The following ATRNL1 variants were observed in gnomAD, a reference collection of about 807,000 sequenced individuals.
ATRNL1 encodes attractin like 1.
A neutral mutation model predicts 182.7 loss-of-function variants in ATRNL1; 95 were observed. The observed-to-expected ratio is 0.52, with a 90% confidence interval of 0.44 to 0.62. The LOEUF (loss-of-function observed/expected upper bound fraction) is 0.62. Among genes scored for constraint, ATRNL1 ranks in the 20% least tolerant of loss-of-function variants. The pLI, the probability that ATRNL1 is intolerant of heterozygous loss-of-function variation, is 0.00. For synonymous variants in ATRNL1, 576 were observed against 568.3 expected (o/e 1.01, Z -0.19); for missense variants, 1,471 against 1,679.5 (o/e 0.88, Z 2.17).
chr10:115,824,940 C>T lies in ATRNL1; in HGVS notation c.3904-22937C>T, dbSNP rs1950393600. Among the ~76,000 whole-genome samples, 5 of 152,298 alleles carry T rather than the reference C, an allele frequency of 3.3e-5. No homozygotes were observed. In the South Asian group the frequency reaches 1.0e-3, roughly 32 times the overall value. ...ATTCTACTATAAAGATACATGCTCACATATGTTTATTGCAGCACTGTTCAC... is the reference window on the plus strand; with the variant it reads ...ATTCTACTATAAAGATACATGCTCATATATGTTTATTGCAGCACTGTTCAC... On this transcript the variant is annotated intron_variant, in intron 27 of 28. Coordinates refer to ENST00000355044, the MANE Select transcript of ATRNL1 (RefSeq NM_207303.4).
intron 5 of ATRNL1, 50 bp from the exon 6 acceptor site, chr10:115,159,990 T>C (rs1214554028): frequency 5.1e-6 from 7 of 1,373,104 alleles, no homozygotes; most frequent in African/African-American, 3.0e-5. Flanking sequence ...ATTTCTATAA[T>C]CTGAGGGCTT....
At chr10:115,691,785 G>T (rs905091489) in intron 26 of ATRNL1, among the ~76,000 whole-genome samples, 1 of 151,812 alleles carries the variant, frequency 6.6e-6, no homozygotes, top group Admixed American at 6.6e-5. Flanking sequence ...TAAATTTTGG[G>T]TTTTTTTCTT....
At chr10:115,125,447 AG>A in intron 3 of ATRNL1, among the ~76,000 whole-genome samples, 1 of 152,120 alleles carries the variant, frequency 6.6e-6, no homozygotes. Context: ...TTTATTCTGT[AG>A]GCAAGAGTTT....
chr10:115,364,083 G>T (rs1464978827), intron 19 of ATRNL1, among the ~76,000 whole-genome samples: 1 of 149,106 alleles, frequency 6.7e-6, no homozygotes, highest in African/African-American at 2.5e-5. Flanking sequence ...GATGGGGATG[G>T]CATTGAATCT....
chr10:115,812,430 CT>C (rs1297769521), intron 27 of ATRNL1, among the ~76,000 whole-genome samples: 3 of 152,200 alleles, frequency 2.0e-5, no homozygotes, highest in African/African-American at 7.2e-5. Flanking sequence ...ATTCTAATAC[CT>C]TCAAAGGGCC....
intron 26 of ATRNL1, among the ~76,000 whole-genome samples, chr10:115,566,225 G>A (rs1178920015): frequency 2.6e-5 from 4 of 151,990 alleles, no homozygotes; most frequent in Admixed American, 2.6e-4. Flanking sequence ...GTGAGTCATT[G>A]CACCTGGGCA....
At chr10:115,156,051 G>T (rs1846500856) in intron 5 of ATRNL1, among the ~76,000 whole-genome samples, 1 of 152,014 alleles carries the variant, frequency 6.6e-6, no homozygotes, top group Admixed American at 6.6e-5. Context: ...TGTTGTGCCA[G>T]GCATTACCCC....
At chr10:115,549,970 G>C (rs1852873305) in intron 26 of ATRNL1, among the ~76,000 whole-genome samples, 1 of 150,732 alleles carries the variant, frequency 6.6e-6, no homozygotes, top group South Asian at 2.1e-4. Context: ...TCTTTTTTTG[G>C]GAATCAAATC....
intron 25 of ATRNL1, among the ~76,000 whole-genome samples, chr10:115,535,506 A>G (rs12356158): frequency 6.7e-6 from 1 of 149,122 alleles, no homozygotes; most frequent in Non-Finnish European, 1.5e-5. Flanking sequence ...GTTATACATT[A>G]GTCTAAATTT....
chr10:115,663,500 TATG>T (rs1860819867), intron 26 of ATRNL1, among the ~76,000 whole-genome samples: 1 of 152,080 alleles, frequency 6.6e-6, no homozygotes, highest in South Asian at 2.1e-4. Context: ...GCATGTATAA[TATG>T]CTATCTACCT....
intron 10 of ATRNL1, among the ~76,000 whole-genome samples, chr10:115,259,578 A>G (rs1449491048): frequency 6.6e-6 from 1 of 152,152 alleles, no homozygotes; most frequent in African/African-American, 2.4e-5. Context: ...TTCCCGGGTG[A>G]GGTGATGCCC....
intron 26 of ATRNL1, among the ~76,000 whole-genome samples, chr10:115,626,964 C>A (rs2133819574): frequency 6.6e-6 from 1 of 152,194 alleles, no homozygotes; most frequent in South Asian, 2.1e-4. Context: ...ATATAACCTC[C>A]ATATTTTATG....
At chr10:115,725,007 G>A (rs1390315649) in intron 26 of ATRNL1, among the ~76,000 whole-genome samples, 2 of 152,132 alleles carry the variant, frequency 1.3e-5, no homozygotes, top group Non-Finnish European at 2.9e-5. Flanking sequence ...TCTACTAGGT[G>A]ACACAGAATA....
intron 15 of ATRNL1, among the ~76,000 whole-genome samples, chr10:115,288,266 A>T (rs782030174): frequency 2.6e-5 from 4 of 152,098 alleles, no homozygotes; most frequent in Non-Finnish European, 5.9e-5. Flanking sequence ...TGCTGGAACA[A>T]ATGATAGTTC....
At chr10:115,179,731 G>T (rs1847673830) in intron 8 of ATRNL1, among the ~76,000 whole-genome samples, 1 of 152,020 alleles carries the variant, frequency 6.6e-6, no homozygotes, top group Admixed American at 6.6e-5. Context: ...TTTATTAGTG[G>T]ATAAAAATGT....
chr10:115,621,558 T>C (rs894456764), intron 26 of ATRNL1, among the ~76,000 whole-genome samples: 16 of 152,028 alleles, frequency 1.1e-4, no homozygotes, highest in Non-Finnish European at 1.8e-4. Flanking sequence ...CACCTCAGCT[T>C]CCCATAGTGC....
At chr10:115,145,523 G>A (rs1845935189) in intron 5 of ATRNL1, among the ~76,000 whole-genome samples, 2 of 152,256 alleles carry the variant, frequency 1.3e-5, no homozygotes, top group East Asian at 3.9e-4. Context: ...CAGAATAGTT[G>A]TGGATATTTA....
chr10:115,372,976 A>G (rs1564969445), intron 19 of ATRNL1, among the ~76,000 whole-genome samples: 2 of 152,142 alleles, frequency 1.3e-5, no homozygotes, highest in Admixed American at 1.3e-4. Context: ...ACATCCTGAG[A>G]AAATGAATTC....
chr10:115,895,384 T>C (rs754848874), intron 28 of ATRNL1, among the ~76,000 whole-genome samples: 1 of 152,212 alleles, frequency 6.6e-6, no homozygotes, highest in African/African-American at 2.4e-5. Flanking sequence ...AGGTTAGGCA[T>C]ACAGGAGCGT....
Sources: allele counts gnomAD v4.1 joint callset (sites outside exome capture counted in the v4.1 genomes callset), GRCh38; gene constraint gnomAD v4.1.1; transcripts MANE v1.5; gene names NCBI Gene and HGNC (gene_info 2026-07-23, HGNC 2026-07-21).